OGDH: variants seen among roughly 807,000 people sequenced by gnomAD.
The protein encoded by OGDH is 2-oxoglutarate dehydrogenase complex component E1.
A neutral mutation model predicts 116.6 loss-of-function variants in OGDH; 38 were observed. The observed-to-expected ratio is 0.33, with a 90% CI of 0.25 to 0.43. OGDH has a LOEUF of 0.43. Among genes scored for constraint, OGDH ranks in the 20% least tolerant of loss-of-function variants. The pLI, the probability that OGDH is intolerant of heterozygous loss-of-function variation, is 1.00. For synonymous variants in OGDH, 488 were observed against 533.3 expected (o/e 0.92, Z 1.17); for missense variants, 825 against 1,357.2 (o/e 0.61, Z 6.16).
At chr7:44,682,627 C>T (rs973526135) in intron 10 of OGDH, among the ~76,000 whole-genome samples, 2 of 151,382 alleles carry the variant, frequency 1.3e-5, no homozygotes, top group Non-Finnish European at 2.9e-5. Flanking sequence ...ACCCTTGAGG[C>T]GGAGGTTACC....
intron 2 of OGDH, among the ~76,000 whole-genome samples, chr7:44,644,733 G>T (rs1300227873): frequency 6.6e-6 from 1 of 152,184 alleles, no homozygotes; most frequent in African/African-American, 2.4e-5. Flanking sequence ...GGTTAGTGCT[G>T]CCTCTTACAA....
chr7:44,621,325 T>C (rs999639369), intron 1 of OGDH, among the ~76,000 whole-genome samples: 6 of 152,188 alleles, frequency 3.9e-5, no homozygotes, highest in African/African-American at 1.4e-4. Flanking sequence ...CCTTAAGCCT[T>C]GGCACCCCAA....
Position 44,676,061 on chromosome 7 carries a change from A to G in OGDH, c.1118A>G (p.Asn373Ser), listed in dbSNP as rs1787679277. The G allele has an allele frequency of 1.2e-6, 2 of 1,613,968 alleles. No homozygotes were observed. The highest frequency in any genetic ancestry group is 2.2e-5 in the South Asian group (2 of 91,064). Residue 373 changes from asparagine (N) to serine (S), a missense_variant, in exon 9 of 23, where the codon AAC (asparagine) becomes AGC (serine). Physicochemically the swap from Asn to Ser is conservative, Grantham distance 46 (BLOSUM62 1). This residue lies in a region of OGDH where 146 missense variants were observed against 317.3 expected (regional missense o/e 0.46). Transcript: ENST00000222673. ...DRNITLSLVA[N>S]PSHLEAADPV... Reference sequence around the variant, plus strand: ...AACATTACCTTGTCCTTGGTGGCCAACCCTTCCCACCTTGAGGCCGCTGAC... The same window carrying G: ...AACATTACCTTGTCCTTGGTGGCCAGCCCTTCCCACCTTGAGGCCGCTGAC...
At chr7:44,672,105 A>T (rs530479478) in intron 5 of OGDH, among the ~76,000 whole-genome samples, 1 of 152,004 alleles carries the variant, frequency 6.6e-6, no homozygotes, top group Non-Finnish European at 1.5e-5. Flanking sequence ...TAAAAAAAAA[A>T]CCTTAAATAC....
At chr7:44,675,300 T>C (rs1585341374) in intron 8 of OGDH, 32 bp downstream of exon 8, 3 of 1,564,866 alleles carry the variant, frequency 1.9e-6, no homozygotes, top group Non-Finnish European at 2.6e-6. Flanking sequence ...ACATCCAGCA[T>C]AGCCCCAACT....
intron 20 of OGDH, among the ~76,000 whole-genome samples, chr7:44,706,578 C>G (rs1008305824): frequency 4.0e-5 from 6 of 151,240 alleles, no homozygotes; most frequent in Non-Finnish European, 7.4e-5. Flanking sequence ...GCCTCAGCCT[C>G]CCAAAGTGCT....
intron 4 of OGDH, among the ~76,000 whole-genome samples, chr7:44,659,038 A>G (rs1290452637): frequency 2.6e-5 from 4 of 152,026 alleles, no homozygotes; most frequent in Admixed American, 6.6e-5. Context: ...GGGTTTCACC[A>G]TGTTGGCTAG....
rs777624714 is a variant in OGDH at position 44,705,051 on chromosome 7, CT to C, written c.2633-2155del. Among the ~76,000 whole-genome samples, 211 of 93,920 alleles carry C rather than the reference CT, an allele frequency of 2.2e-3. 5 individuals are homozygous for C. Among genetic ancestry groups the C allele is most frequent in the South Asian group, 2.2e-3 (6 of 2,768 alleles). 61.6% of individuals were successfully genotyped at this position (93,920 alleles called of 152,430 possible). ...TTGATGTACAAAAGTTTTTAATTTTCTTTTTTTTTTTTTTTTTTTGAGACGG... is the reference window on the plus strand; with the variant it reads ...TTGATGTACAAAAGTTTTTAATTTTCTTTTTTTTTTTTTTTTTTGAGACGG... On this transcript the variant is annotated intron_variant, in intron 20 of 22. Transcript: ENST00000222673.
At chr7:44,666,968 C>A in intron 5 of OGDH, 117 bp downstream of exon 5, 1 of 654,080 alleles carries the variant, frequency 1.5e-6, no homozygotes, top group Non-Finnish European at 2.5e-6. Context: ...TATTTTTTCT[C>A]TGAGACAGAG....
chr7:44,644,986 A>C (rs1361749462), intron 2 of OGDH, among the ~76,000 whole-genome samples: 2 of 152,152 alleles, frequency 1.3e-5, no homozygotes, highest in East Asian at 3.9e-4. Flanking sequence ...CTACATCCTG[A>C]ATCTGTCCCC....
At chr7:44,632,903 T>G (rs557396635) in intron 2 of OGDH, among the ~76,000 whole-genome samples, 9 of 151,760 alleles carry the variant, frequency 5.9e-5, no homozygotes, top group African/African-American at 1.9e-4. Context: ...GTACTGTACT[T>G]TAAGAAAAAA....
chr7:44,634,965 A>T (rs1291457391), intron 2 of OGDH, among the ~76,000 whole-genome samples: 2 of 152,250 alleles, frequency 1.3e-5, no homozygotes, highest in East Asian at 3.8e-4. Flanking sequence ...GTAGTCACAC[A>T]TATGGGTTTT....
At chr7:44,695,718 A>AG (rs1436770445) in intron 12 of OGDH, among the ~76,000 whole-genome samples, 1 of 150,730 alleles carries the variant, frequency 6.6e-6, no homozygotes, top group African/African-American at 2.4e-5. Flanking sequence ...AAAAAAAAAA[A>AG]GTGGTGAAGG....
chr7:44,618,653 A>G (rs1372568832), intron 1 of OGDH, among the ~76,000 whole-genome samples: 3 of 152,196 alleles, frequency 2.0e-5, no homozygotes, highest in African/African-American at 4.8e-5. Flanking sequence ...TTTTGTTACA[A>G]TGTTGGGGTG....
chr7:44,628,071 C>T (rs189963014), intron 2 of OGDH, among the ~76,000 whole-genome samples: 1 of 152,336 alleles, frequency 6.6e-6, no homozygotes, highest in East Asian at 1.9e-4. Context: ...GGAGACTGGT[C>T]ACGCAGCTTC....
chr7:44,700,750 C>T (rs1473473153), intron 19 of OGDH, among the ~76,000 whole-genome samples: 1 of 152,102 alleles, frequency 6.6e-6, no homozygotes, highest in East Asian at 1.9e-4. Flanking sequence ...AGGTGGCTCA[C>T]GCCTGTAATC....
chr7:44,679,119 A>G (rs1348494598), intron 9 of OGDH, among the ~76,000 whole-genome samples: 1 of 152,228 alleles, frequency 6.6e-6, no homozygotes, highest in African/African-American at 2.4e-5. Flanking sequence ...ACAGTGCAGT[A>G]TGGCATGGTA....
chr7:44,706,158 G>T (rs898035820), intron 20 of OGDH, among the ~76,000 whole-genome samples: 1 of 152,000 alleles, frequency 6.6e-6, no homozygotes, highest in East Asian at 1.9e-4. Flanking sequence ...GCCCAGGCTG[G>T]TCTCGAACTC....
intron 12 of OGDH, among the ~76,000 whole-genome samples, chr7:44,695,171 C>T (rs1332958341): frequency 6.6e-6 from 1 of 152,142 alleles, no homozygotes; most frequent in Admixed American, 6.5e-5. Flanking sequence ...TCTTAGCTCA[C>T]TGCAACCTCC....
Sources: allele counts gnomAD v4.1 joint callset (sites outside exome capture counted in the v4.1 genomes callset), GRCh38; gene constraint gnomAD v4.1.1; regional missense constraint gnomAD v4.1.1; transcripts MANE v1.5; gene names NCBI Gene and HGNC (gene_info 2026-07-23, HGNC 2026-07-21).